TCF12: variants seen among roughly 807,000 people sequenced by gnomAD.
TCF12 encodes the protein DNA-binding protein HTF4.
A neutral mutation model predicts 86.0 loss-of-function variants in TCF12; 45 were observed. The observed-to-expected ratio is 0.52, with a 90% confidence interval of 0.41 to 0.67. The LOEUF is 0.67. Ranked by LOEUF, TCF12 falls within the 30% of genes least tolerant of loss-of-function variation. TCF12 has a pLI of 0.00. For synonymous variants in TCF12, 330 were observed against 299.6 expected (o/e 1.10, Z -1.05); for missense variants, 881 against 859.9 (o/e 1.02, Z -0.31).
rs143477516 is a variant in TCF12, at chr15:57,028,605, G to A, written c.149-35145G>A. Among the ~76,000 whole-genome samples, 242 of 152,190 alleles carry A rather than the reference G, an allele frequency of 1.6e-3. 5 individuals are homozygous for A. The East Asian group carries it at 0.039, about 25-fold the overall frequency. ...ATATAAAATCTTTTGTCAGTTATACGTAATATGAATATTTTCTCCTAGCCT... is the reference window on the plus strand; with the variant it reads ...ATATAAAATCTTTTGTCAGTTATACATAATATGAATATTTTCTCCTAGCCT... On this transcript the variant is annotated intron_variant, in intron 3 of 20. Transcript: ENST00000333725.
chr15:57,075,586 C>G (rs1596402055), intron 4 of TCF12, among the ~76,000 whole-genome samples: 1 of 151,788 alleles, frequency 6.6e-6, no homozygotes, highest in East Asian at 1.9e-4. Context: ...AGTAAAAGTC[C>G]AGAAATAGAA....
At chr15:57,141,382 T>A (rs1469235245) in intron 5 of TCF12, among the ~76,000 whole-genome samples, 1 of 152,152 alleles carries the variant, frequency 6.6e-6, no homozygotes, top group Non-Finnish European at 1.5e-5. Flanking sequence ...GGGGTTTAGC[T>A]CTTGATGCCC....
At chr15:57,219,967 C>T (rs1021056811) in intron 8 of TCF12, among the ~76,000 whole-genome samples, 1 of 152,050 alleles carries the variant, frequency 6.6e-6, no homozygotes, top group African/African-American at 2.4e-5. Flanking sequence ...CTCAGGTGAT[C>T]CACCCGCCTC....
intron 3 of TCF12, among the ~76,000 whole-genome samples, chr15:57,047,995 G>T (rs1039318891): frequency 5.7e-5 from 6 of 104,950 alleles, no homozygotes; most frequent in Non-Finnish European, 1.4e-4. Context: ...TCTAAACATA[G>T]AAAAGGTACA....
chr15:57,127,483 C>G (rs1172325648), intron 5 of TCF12, among the ~76,000 whole-genome samples: 1 of 152,112 alleles, frequency 6.6e-6, no homozygotes, highest in Non-Finnish European at 1.5e-5. Context: ...TAAATACCAT[C>G]ACCGTTTATA....
At chr15:57,072,164 G>A (rs1188646669) in intron 4 of TCF12, among the ~76,000 whole-genome samples, 2 of 152,118 alleles carry the variant, frequency 1.3e-5, no homozygotes, top group East Asian at 1.9e-4. Context: ...TGGATTGGGA[G>A]GATAGTAATC....
chr15:57,234,388 A>G (rs1418057340), intron 12 of TCF12, among the ~76,000 whole-genome samples: 1 of 152,246 alleles, frequency 6.6e-6, no homozygotes, highest in Admixed American at 6.5e-5. Context: ...TAAGTGGTCC[A>G]TTAAAATAAG....
chr15:56,997,164 A>C (rs1567224241), intron 3 of TCF12, among the ~76,000 whole-genome samples: 1 of 152,210 alleles, frequency 6.6e-6, no homozygotes, highest in Non-Finnish European at 1.5e-5. Context: ...CCAAAAAGAC[A>C]CATATACCCG....
intron 3 of TCF12, among the ~76,000 whole-genome samples, chr15:57,015,008 G>A (rs967403298): frequency 1.3e-5 from 2 of 152,006 alleles, no homozygotes; most frequent in African/African-American, 4.8e-5. Context: ...GCCTTAAATA[G>A]TCCAGGCGTG....
chr15:57,226,886 C>T (rs1214807789), intron 8 of TCF12, among the ~76,000 whole-genome samples: 1 of 151,352 alleles, frequency 6.6e-6, no homozygotes, highest in Non-Finnish European at 1.5e-5. Flanking sequence ...GCACTATCCA[C>T]ATTTCAAGTG....
intron 3 of TCF12, among the ~76,000 whole-genome samples, chr15:56,960,433 T>A (rs2061692815): frequency 6.8e-6 from 1 of 147,664 alleles, no homozygotes; most frequent in Admixed American, 6.7e-5. Context: ...GTATTGTATT[T>A]TTTTTTTTTT....
chr15:56,941,186 G>A (rs1567137734), intron 3 of TCF12, among the ~76,000 whole-genome samples: 2 of 151,610 alleles, frequency 1.3e-5, no homozygotes, highest in Middle Eastern at 3.4e-3. Context: ...GTAACATGGC[G>A]AAACCCTGCC....
At chr15:57,051,286 C>A (rs1414724998) in intron 3 of TCF12, among the ~76,000 whole-genome samples, 1 of 152,170 alleles carries the variant, frequency 6.6e-6, no homozygotes, top group Admixed American at 6.5e-5. Flanking sequence ...AGCGTTCCAC[C>A]TGTTGCTTTT....
intron 3 of TCF12, among the ~76,000 whole-genome samples, chr15:56,935,652 A>G (rs1231641597): frequency 6.6e-6 from 1 of 152,012 alleles, no homozygotes; most frequent in Non-Finnish European, 1.5e-5. Flanking sequence ...CTGAGTCCCC[A>G]AAGTCCAAGG....
At chr15:57,144,783 G>A (rs2053239808) in intron 5 of TCF12, among the ~76,000 whole-genome samples, 1 of 152,106 alleles carries the variant, frequency 6.6e-6, no homozygotes, top group African/African-American at 2.4e-5. Context: ...GAATTTTTTT[G>A]TAGAGATAGG....
At chr15:57,225,978 A>G (rs1286178509) in intron 8 of TCF12, among the ~76,000 whole-genome samples, 1 of 151,634 alleles carries the variant, frequency 6.6e-6, no homozygotes, top group Non-Finnish European at 1.5e-5. Flanking sequence ...GTCATTTAAC[A>G]TTAGGTATAT....
intron 5 of TCF12, among the ~76,000 whole-genome samples, chr15:57,096,948 T>G (rs1354180343): frequency 6.6e-6 from 1 of 152,162 alleles, no homozygotes; most frequent in Non-Finnish European, 1.5e-5. Flanking sequence ...TTTGCTTAAC[T>G]CCACTTTCTG....
intron 3 of TCF12, among the ~76,000 whole-genome samples, chr15:57,044,995 G>A (rs2067136840): frequency 6.6e-6 from 1 of 152,162 alleles, no homozygotes; most frequent in Non-Finnish European, 1.5e-5. Context: ...TTCACTAAAT[G>A]CTTATTGAGT....
chr15:57,219,502 G>C, intron 8 of TCF12: 1 of 1,609,252 alleles, frequency 6.2e-7, no homozygotes, highest in Admixed American at 1.7e-5. Flanking sequence ...GCTACAAATA[G>C]TAACATTTTC....
Sources: allele counts gnomAD v4.1 joint callset (sites outside exome capture counted in the v4.1 genomes callset), GRCh38; gene constraint gnomAD v4.1.1; transcripts MANE v1.5; gene names NCBI Gene and HGNC (gene_info 2026-07-23, HGNC 2026-07-21).